HSPA4: variants seen among roughly 807,000 people sequenced by gnomAD.
HSPA4 encodes heat shock 70 kDa protein 4.
HSPA4 carries 25 observed loss-of-function variants against 106.2 expected under a neutral mutation model. The ratio of observed to expected loss-of-function variants is 0.24; its 90% CI spans 0.17 to 0.33. The LOEUF (loss-of-function observed/expected upper bound fraction) is 0.33, where lower values mean the gene tolerates loss of function less well. HSPA4 is among the 10% of genes least tolerant of loss of function. HSPA4 has a pLI of 1.00. For missense variants in HSPA4, 841 were observed against 996.0 expected (o/e 0.84, Z 2.10); for synonymous variants, 332 against 333.6 (o/e 1.00, Z 0.05).
At chr5:133,083,205 C>T (rs1201322046) in intron 7 of HSPA4, among the ~76,000 whole-genome samples, 14 of 148,962 alleles carry the variant, frequency 9.4e-5, no homozygotes, top group African/African-American at 2.7e-4. Context: ...CCAGCTACTC[C>T]GGAGGCTGAG....
chr5:133,061,149 G>A (rs1391935870), intron 1 of HSPA4, among the ~76,000 whole-genome samples: 3 of 148,872 alleles, frequency 2.0e-5, no homozygotes, highest in African/African-American at 7.4e-5. Context: ...TTGAGACGGA[G>A]TCTTGCCCTG....
chr5:133,088,632 C>T (rs1765608515), intron 9 of HSPA4, 77 bp downstream of exon 9: 3 of 1,278,826 alleles, frequency 2.3e-6, no homozygotes, highest in Non-Finnish European at 3.4e-6. Context: ...TATCTAATAA[C>T]CTGGGATTAG....
chr5:133,090,005 A>T (rs916960713), intron 11 of HSPA4, among the ~76,000 whole-genome samples: 7 of 152,248 alleles, frequency 4.6e-5, no homozygotes, highest in Non-Finnish European at 1.0e-4. Flanking sequence ...GCTGTTATTT[A>T]ATTGGATCTC....
At chr5:133,096,299 C>CCA (rs764673347) in intron 14 of HSPA4, 49 bp downstream of exon 14, 1 of 1,534,256 alleles carries the variant, frequency 6.5e-7, no homozygotes, top group African/African-American at 1.4e-5. Context: ...ATTAATGTTA[C>CCA]CATAGTATTC....
At chr5:133,064,042 G>A (rs879653216) in intron 1 of HSPA4, among the ~76,000 whole-genome samples, 17 of 152,202 alleles carry the variant, frequency 1.1e-4, no homozygotes, top group Admixed American at 2.6e-4. Context: ...GATTACAGGC[G>A]TGAGCCACTG....
chr5:133,096,939 C>T (rs953270791), intron 14 of HSPA4, among the ~76,000 whole-genome samples: 2 of 152,054 alleles, frequency 1.3e-5, no homozygotes, highest in African/African-American at 4.8e-5. Flanking sequence ...TGAGTGTCTA[C>T]ACCTTGATAT....
chr5:133,074,990 C>A (rs915242915), intron 6 of HSPA4, among the ~76,000 whole-genome samples: 5 of 152,096 alleles, frequency 3.3e-5, no homozygotes, highest in Non-Finnish European at 7.4e-5. Context: ...CTGCCTTGTA[C>A]CCATTGGAGA....
chr5:133,099,793 G>T, intron 16 of HSPA4, 141 bp downstream of exon 16: 1 of 451,578 alleles, frequency 2.2e-6, no homozygotes. Context: ...TATGACTTAG[G>T]CTCATTATCA....
rs1267574741 is a variant in HSPA4 at position 133,065,053 on chromosome 5, T to C, written c.165+16T>C. 6.2e-7 allele frequency: 1 copy of C among 1,607,806 alleles called. No individual in the cohort carries two copies. The highest frequency in any genetic ancestry group is 8.5e-7 in the Non-Finnish European group (1 of 1,174,568). On this transcript the variant is annotated intron_variant, in intron 2 of 18. Transcript: ENST00000304858. Reference sequence around the variant, plus strand: ...TAAAAGCCAGGTAAAGTTTCATTTTTTTCCTAAAATGACTTATTTCTCCTC... The same window carrying C: ...TAAAAGCCAGGTAAAGTTTCATTTTCTTCCTAAAATGACTTATTTCTCCTC...
chr5:133,095,856 C>T (rs1230577966), intron 13 of HSPA4, among the ~76,000 whole-genome samples: 2 of 151,982 alleles, frequency 1.3e-5, no homozygotes, highest in Non-Finnish European at 2.9e-5. Flanking sequence ...TCCATTATTC[C>T]CCTCCCCCAT....
chr5:133,053,267 C>T (rs72801445), intron 1 of HSPA4, among the ~76,000 whole-genome samples: 32,855 of 150,448 alleles, frequency 0.22, 3,702 homozygotes, highest in South Asian at 0.26. Context: ...AATCCGTTGT[C>T]GTGTTCTTAG....
At position 133,101,790 on chromosome 5, in the gene HSPA4, A is replaced by G. The variant is rs368330661; in HGVS notation, c.2069A>G (p.Gln690Arg). 6.2e-5 allele frequency: 100 copies of G among 1,611,178 alleles called. No individual in the cohort carries two copies. Among genetic ancestry groups the G allele is most frequent in the Non-Finnish European group, 7.9e-5 (93 of 1,178,314 alleles). ...GGTCAACCTATTAAGATACGTTTCC[A>G]GGAATCTGAAGAACGACCAAAATTA... ...NLGQPIKIRF[Q>R]ESEERPKLFE... Residue 690 changes from glutamine (Q) to arginine (R), a missense_variant, in exon 17 of 19, where the codon CAG (glutamine) becomes CGG (arginine). This residue lies in a region of HSPA4 where 328 missense variants were observed against 372.2 expected (regional missense o/e 0.88). Transcript: ENST00000304858.
chr5:133,092,810 T>G lies in HSPA4; in HGVS notation c.1650+21T>G, dbSNP rs1348847811. 1.9e-4 allele frequency: 51 copies of G among 267,612 alleles called. No individual in the cohort carries two copies. The East Asian group carries it at 5.7e-3, about 30-fold the overall frequency. The allele number at this position is 267,612 out of a possible 1,614,324, so 16.6% of individuals were successfully genotyped here. A position where few individuals can be genotyped will look rare whatever the true frequency, so the allele number is the denominator to read the frequency against. The stretch of plus-strand genomic sequence containing the variant: ...TGGAGGTATGCATTGGGTGGTGTTT[T>G]TTTTTTTTTTTTTTTTTTTTTTTTT... On this transcript the variant is annotated intron_variant, in intron 13 of 18. Transcript: ENST00000304858.
chr5:133,052,622 G>A (rs570506684), intron 1 of HSPA4: 8 of 434,168 alleles, frequency 1.8e-5, no homozygotes, highest in South Asian at 4.1e-5. Context: ...TCGGACCAGC[G>A]GAGGGCACGG....
In HSPA4 at chr5:133,074,137, A is replaced by G. The variant is rs761171742; in HGVS notation, c.663+11A>G. 6.4e-7 allele frequency: 1 copy of G among 1,565,222 alleles called. No individual in the cohort carries two copies. On this transcript the variant is annotated intron_variant, in intron 6 of 18. Transcript: ENST00000304858. ...AGAGGAAAACTGAAAGTAAGTATAT[A>G]TTTTTTTTCCAGAAGACTGTTAGTA...
At chr5:133,060,437 A>T (rs1765226679) in intron 1 of HSPA4, among the ~76,000 whole-genome samples, 1 of 151,750 alleles carries the variant, frequency 6.6e-6, no homozygotes, top group Non-Finnish European at 1.5e-5. Flanking sequence ...ATCTCGGCTC[A>T]CTACAATCTC....
intron 7 of HSPA4, 80 bp from the exon 8 acceptor site, chr5:133,086,694 CCTGTTTTT>C: frequency 1.1e-6 from 1 of 885,808 alleles, no homozygotes; most frequent in South Asian, 1.4e-5. Flanking sequence ...CTTGTTGTTA[CCTGTTTTT>C]TATTATAGCC....
chr5:133,102,953 C>A (rs1263637123), intron 17 of HSPA4, among the ~76,000 whole-genome samples: 3 of 133,142 alleles, frequency 2.3e-5, no homozygotes, highest in African/African-American at 9.0e-5. Flanking sequence ...CACCATGTTA[C>A]CCAGGCTGGT....
intron 2 of HSPA4, among the ~76,000 whole-genome samples, chr5:133,066,731 T>A (rs1410649534): frequency 7.4e-6 from 1 of 135,886 alleles, no homozygotes; most frequent in East Asian, 2.0e-4. Context: ...TTTCTTTTCT[T>A]TTTTCTTTTT....
Sources: allele counts gnomAD v4.1 joint callset (sites outside exome capture counted in the v4.1 genomes callset), GRCh38; gene constraint gnomAD v4.1.1; regional missense constraint gnomAD v4.1.1; transcripts MANE v1.5; gene names NCBI Gene and HGNC (gene_info 2026-07-23, HGNC 2026-07-21).